Variants in DNAH5 observed in about 807,000 individuals in gnomAD.
DNAH5 encodes dynein axonemal heavy chain 5, also known as axonemal beta dynein heavy chain 5.
In DNAH5, 372 loss-of-function variants were observed where a neutral mutation model predicts 518.2. The observed-to-expected ratio is 0.72, with a 90% confidence interval of 0.66 to 0.78. DNAH5 has a LOEUF of 0.78. Among genes scored for constraint, DNAH5 ranks in the 30% least tolerant of loss-of-function variants. The probability of loss-of-function intolerance (pLI) is 0.00; values close to 1 mark genes in which losing one functional copy is unlikely to be tolerated. For synonymous variants in DNAH5, 2,039 were observed against 2,025.9 expected, an observed-to-expected ratio of 1.01 and a Z score of -0.17; for missense variants, 5,523 against 5,687.0, an observed-to-expected ratio of 0.97 and a Z score of 0.93.
At chr5:13,994,150 AC>A (rs2152076888) in intron 1 of DNAH5, among the ~76,000 whole-genome samples, 2 of 152,002 alleles carry the variant, frequency 1.3e-5, no homozygotes, top group South Asian at 4.2e-4. Flanking sequence ...GCACGCCTCC[AC>A]CTCTCTGCCT....
chr5:14,007,351 T>A (rs1381932272), intron 1 of DNAH5, among the ~76,000 whole-genome samples: 1 of 152,144 alleles, frequency 6.6e-6, no homozygotes, highest in Non-Finnish European at 1.5e-5. Flanking sequence ...GACTTTGTTT[T>A]TTTTTCCAAT....
chr5:13,852,428 A>G (rs1032347528), intron 30 of DNAH5, among the ~76,000 whole-genome samples: 17 of 152,018 alleles, frequency 1.1e-4, no homozygotes, highest in African/African-American at 3.9e-4. Context: ...CAGCCTCCCA[A>G]ATTGCTGGGA....
intron 65 of DNAH5, among the ~76,000 whole-genome samples, chr5:13,742,381 G>A (rs1044298114): frequency 6.6e-6 from 1 of 151,812 alleles, no homozygotes; most frequent in African/African-American, 2.4e-5. Context: ...AACAAAACTG[G>A]TCTTCCTGCT....
intron 19 of DNAH5, 32 bp from the exon 20 acceptor site, chr5:13,883,126 AT>A: frequency 6.2e-7 from 1 of 1,606,184 alleles, no homozygotes. Context: ...AAGAATTCAC[AT>A]TTTTAATACA....
intron 1 of DNAH5, among the ~76,000 whole-genome samples, chr5:13,989,129 C>T (rs775243466): frequency 4.6e-5 from 7 of 151,942 alleles, no homozygotes; most frequent in Non-Finnish European, 1.0e-4. Context: ...CAGAAAGAGC[C>T]GTGTAGTGGG....
Position 13,841,747 on chromosome 5 carries a change from T to C in DNAH5, c.5429A>G (p.Asn1810Ser). The C allele has an allele frequency of 6.2e-7, 1 of 1,614,060 alleles. No individual in the cohort carries two copies. The highest frequency in any genetic ancestry group is 8.5e-7 in the Non-Finnish European group (1 of 1,179,980). ...LHLVIRQAAA[N>S]IQETGFQLTE... ...TAGTTGGAAACCTGTTTCTTGAATA[T>C]TTGCGGCTGCCTGGCGAATCACAAG... Residue 1810 changes from asparagine (N) to serine (S), a missense_variant, in exon 33 of 79, where the codon AAT (asparagine) becomes AGT (serine). Coordinates refer to ENST00000265104, the MANE Select transcript of DNAH5 (RefSeq NM_001369.3).
chr5:13,693,063 C>CAGGATCTAGTTAT (rs1408318182), intron 78 of DNAH5, among the ~76,000 whole-genome samples: 1 of 152,174 alleles, frequency 6.6e-6, no homozygotes, highest in African/African-American at 2.4e-5. Flanking sequence ...CTGCACATCT[C>CAGGATCTAGTTAT]CTAACATGCA....
chr5:13,900,937 T>C (rs1343751605), intron 14 of DNAH5, among the ~76,000 whole-genome samples: 1 of 152,238 alleles, frequency 6.6e-6, no homozygotes, highest in Non-Finnish European at 1.5e-5. Flanking sequence ...TACTGACATA[T>C]TTAGGATCTG....
At chr5:14,010,017 T>C (rs1186452006) in intron 1 of DNAH5, among the ~76,000 whole-genome samples, 1 of 152,242 alleles carries the variant, frequency 6.6e-6, no homozygotes, top group African/African-American at 2.4e-5. Context: ...TAGCCAGAGA[T>C]AATCAGTATC....
chr5:13,868,746 T>C (rs1175302686), intron 24 of DNAH5, among the ~76,000 whole-genome samples: 1 of 152,174 alleles, frequency 6.6e-6, no homozygotes, highest in Admixed American at 6.5e-5. Flanking sequence ...GGTCAGCACC[T>C]CAGTGCCATA....
At chr5:13,899,857 A>T (rs1283870381) in intron 15 of DNAH5, 1 of 274,134 alleles carries the variant, frequency 3.6e-6, no homozygotes, top group Non-Finnish European at 7.0e-6. Context: ...AACACTTCAC[A>T]AACAGGCTTC....
At chr5:13,711,204 T>C (rs565673623) in intron 75 of DNAH5, among the ~76,000 whole-genome samples, 1 of 152,284 alleles carries the variant, frequency 6.6e-6, no homozygotes, top group East Asian at 1.9e-4. Flanking sequence ...GATGCAGGGA[T>C]GGTTTAACAT....
intron 62 of DNAH5, 52 bp from the exon 63 acceptor site, chr5:13,753,601 TG>T: frequency 6.9e-7 from 1 of 1,447,318 alleles, no homozygotes; most frequent in Non-Finnish European, 9.5e-7. Flanking sequence ...TCCGTGTGAT[TG>T]TACAGCATAT....
chr5:13,732,075 G>A (rs1746641103), intron 68 of DNAH5, among the ~76,000 whole-genome samples: 1 of 147,770 alleles, frequency 6.8e-6, no homozygotes, highest in Non-Finnish European at 1.5e-5. Context: ...AGTTGTGATT[G>A]CACCACTGCA....
At chr5:13,736,639 C>T (rs529588573) in intron 66 of DNAH5, among the ~76,000 whole-genome samples, 25 of 152,130 alleles carry the variant, frequency 1.6e-4, no homozygotes, top group Admixed American at 1.4e-3. Flanking sequence ...GTTGACCAGG[C>T]CTGTCTCACA....
At chr5:13,860,807 T>C (rs780892017) in intron 29 of DNAH5, among the ~76,000 whole-genome samples, 1 of 152,238 alleles carries the variant, frequency 6.6e-6, no homozygotes, top group Non-Finnish European at 1.5e-5. Flanking sequence ...ACAGCCTACC[T>C]TTGTGTCTCT....
At chr5:14,000,763 A>G (rs1380055553) in intron 1 of DNAH5, among the ~76,000 whole-genome samples, 1 of 152,162 alleles carries the variant, frequency 6.6e-6, no homozygotes, top group African/African-American at 2.4e-5. Flanking sequence ...GAAGTTAACT[A>G]TCGTTCAACC....
chr5:13,716,819 G>C, intron 73 of DNAH5, 129 bp from the exon 74 acceptor site: 2 of 726,316 alleles, frequency 2.8e-6, no homozygotes, highest in East Asian at 2.7e-5. Context: ...ACTGCAAAGA[G>C]AAAGTGCAGA....
chr5:13,750,127 C>T (rs889897362), intron 65 of DNAH5, among the ~76,000 whole-genome samples: 7 of 152,122 alleles, frequency 4.6e-5, no homozygotes, highest in African/African-American at 7.2e-5. Flanking sequence ...AGGGCTCAGA[C>T]GGGCAAGCAC....
Sources: gnomAD v4.1 joint callset for allele counts (sites outside exome capture counted in the v4.1 genomes callset) on GRCh38, gnomAD v4.1.1 for gene constraint, MANE v1.5 for transcripts, NCBI Gene and HGNC (gene_info 2026-07-23, HGNC 2026-07-21) for gene names.